DERL2: variants seen among roughly 807,000 people sequenced by gnomAD.
DERL2 encodes the protein derlin-2.
In DERL2, 13 loss-of-function variants were observed where a neutral mutation model predicts 32.0. The ratio of observed to expected loss-of-function variants is 0.41; its 90% CI spans 0.26 to 0.65. The LOEUF (loss-of-function observed/expected upper bound fraction) is 0.65, where lower values mean the gene tolerates loss of function less well. Among genes scored for constraint, DERL2 ranks in the 30% least tolerant of loss-of-function variants. The probability of loss-of-function intolerance (pLI) is 0.35; values close to 1 mark genes in which losing one functional copy is unlikely to be tolerated. For synonymous variants in DERL2, 111 were observed against 104.7 expected (o/e 1.06, Z -0.37); for missense variants, 208 against 296.3 (o/e 0.70, Z 2.19).
At chr17:5,479,710 T>A (rs1885369712) in intron 6 of DERL2, among the ~76,000 whole-genome samples, 1 of 152,168 alleles carries the variant, frequency 6.6e-6, no homozygotes, top group Non-Finnish European at 1.5e-5. Context: ...GAAACTTTCA[T>A]CAGTTTTGCC....
chr17:5,479,534 A>G (rs1490848504), intron 6 of DERL2, among the ~76,000 whole-genome samples: 2 of 150,278 alleles, frequency 1.3e-5, no homozygotes, highest in Non-Finnish European at 3.0e-5. Context: ...AAAGAAAGAA[A>G]GAAATCAAAG....
chr17:5,486,257 A>G (rs1367973505), upstream of DERL2: 1 of 1,014,164 alleles, frequency 9.9e-7, no homozygotes, highest in Non-Finnish European at 1.4e-6. Flanking sequence ...CCCCCCGCCC[A>G]CTTTAGTTTT....
At position 5,481,343 on chromosome 17, in the gene DERL2, T is replaced by C; in HGVS notation, c.280A>G (p.Thr94Ala). Residue 94 changes from threonine to alanine, a missense_variant, in exon 4 of 7, where the codon ACA becomes GCA. Thr to Ala is a moderately conservative substitution (Grantham distance 58). Around this residue, in one of 3 missense-constraint regions of DERL2, gnomAD observed 124 missense variants for 215.3 expected, o/e 0.58. Transcript: ENST00000158771. The surrounding 1 kb of genome is among the most constrained non-coding windows in gnomAD (Gnocchi z 4.4). ...AGGAACATAAATACAAAGTCTGCTG[T>C]CCGACCTCGGAAAGAGCCTTCTTCT... Reference protein sequence around the residue: ...MLEEGSFRGRTADFVFMFLFG... With the variant: ...MLEEGSFRGRAADFVFMFLFG... 6.2e-7 allele frequency: 1 copy of C among 1,614,184 alleles called. No homozygotes were observed. The highest frequency in any genetic ancestry group is 8.5e-7 in the Non-Finnish European group (1 of 1,180,010).
chr17:5,480,781 G>T, intron 4 of DERL2, 199 bp from the exon 5 acceptor site: 1 of 466,542 alleles, frequency 2.1e-6, no homozygotes, highest in Non-Finnish European at 3.7e-6. Flanking sequence ...AAATTATCGA[G>T]ATTTACAGCT....
rs1905257398 is a variant in DERL2 at position 5,474,290 on chromosome 17, T to C, written c.*394A>G. 6.4e-6 allele frequency: 1 copy of C among 157,020 alleles called. No individual in the cohort carries two copies. Among genetic ancestry groups the C allele is most frequent in the Non-Finnish European group, 1.4e-5 (1 of 71,450 alleles). The allele number at this position is 157,020 out of a possible 1,614,324, so 9.7% of individuals were successfully genotyped here. ...AAAAGATCACACACAAAAGCTTTAA[T>C]ACAGTGAGAGAAAAATGGAATTCCG... On this transcript the variant is annotated 3_prime_UTR_variant, in exon 7 of 7. Coordinates refer to ENST00000158771, the MANE Select transcript of DERL2 (RefSeq NM_016041.5). The surrounding 1 kb of genome is among the most constrained non-coding windows in gnomAD (Gnocchi z 4.3).
Position 5,473,908 on chromosome 17 carries a change from A to G in DERL2, c.*776T>C, listed in dbSNP as rs1410514062. 2.0e-5 allele frequency: 3 copies of G among 152,202 alleles called. No individual in the cohort carries two copies. Among genetic ancestry groups the G allele is most frequent in the Non-Finnish European group, 4.4e-5 (3 of 68,032 alleles). 9.4% of individuals were successfully genotyped at this position (152,202 alleles called of 1,614,324 possible). ...CCAATCTTTCCCTGGATACTTCTTA[A>G]TGGAGAAATGTAAGTAAAGCAAATA... On this transcript the variant is annotated 3_prime_UTR_variant, in exon 7 of 7. Transcript: ENST00000158771.
At position 5,482,887 on chromosome 17, in the gene DERL2, T is replaced by C. The variant is rs1392798164; in HGVS notation, c.160-5A>G. ...GTTGGTGATTAATCTCCATATCTGT[T>C]AAAAAAAAATCAAGAGAAAGATGTA... is the stretch of plus-strand genomic sequence containing the variant. On this transcript the variant is annotated splice_region_variant and splice_polypyrimidine_tract_variant and intron_variant, in intron 2 of 6. Transcript: ENST00000158771. The C allele has an allele frequency of 3.5e-6, 5 of 1,417,582 alleles. No homozygotes were observed. Among genetic ancestry groups the C allele is most frequent in the Non-Finnish European group, 4.8e-6 (5 of 1,031,356 alleles). The allele number at this position is 1,417,582 out of a possible 1,614,324, so 87.8% of individuals were successfully genotyped here.
chr17:5,482,094 C>G (rs1905827572), intron 3 of DERL2, among the ~76,000 whole-genome samples: 1 of 152,196 alleles, frequency 6.6e-6, no homozygotes, highest in South Asian at 2.1e-4. Context: ...CTTTTCCAGC[C>G]TGGCAGGTTG....
chr17:5,475,914 T>G (rs957756632), intron 6 of DERL2, among the ~76,000 whole-genome samples: 1 of 152,108 alleles, frequency 6.6e-6, no homozygotes, highest in Non-Finnish European at 1.5e-5. Context: ...TGGTGATGGC[T>G]GGGGTGGGGA....
In DERL2 at chr17:5,485,980, T is replaced by C. The variant is rs1264795140; in HGVS notation, c.93+89A>G. The C allele has an allele frequency of 2.4e-6, 3 of 1,260,624 alleles. No individual in the cohort carries two copies. In the African/African-American group the frequency reaches 4.5e-5, roughly 19 times the overall value. 78.1% of individuals were successfully genotyped at this position (1,260,624 alleles called of 1,614,324 possible). On this transcript the variant is annotated intron_variant, in intron 1 of 6. Coordinates refer to ENST00000158771, the MANE Select transcript of DERL2 (RefSeq NM_016041.5). Reference sequence around the variant, plus strand: ...CACCCATCCCCGGGACCAGCCCCTCTGGGCCTCCCCGAGGCCCAAACCCCA... The same window carrying C: ...CACCCATCCCCGGGACCAGCCCCTCCGGGCCTCCCCGAGGCCCAAACCCCA...
intron 1 of DERL2, 94 bp from the exon 2 acceptor site, chr17:5,485,310 C>T (rs1199279355): frequency 1.3e-5 from 11 of 840,978 alleles, no homozygotes; most frequent in Admixed American, 2.8e-5. Flanking sequence ...TTCCAACTCT[C>T]GGTCACTTAG....
chr17:5,476,862 C>G (rs1345510495), intron 6 of DERL2, among the ~76,000 whole-genome samples: 2 of 152,150 alleles, frequency 1.3e-5, no homozygotes, highest in African/African-American at 4.8e-5. Flanking sequence ...GGGGGCACAG[C>G]CTGGTATAGG....
At position 5,480,558 on chromosome 17, in the gene DERL2, C is replaced by G. The variant is rs1905709919; in HGVS notation, c.352G>C (p.Val118Leu). The G allele has an allele frequency of 1.3e-6, 2 of 1,541,690 alleles. No individual in the cohort carries two copies. Among genetic ancestry groups the G allele is most frequent in the Non-Finnish European group, 1.7e-6 (2 of 1,152,374 alleles). The change falls in exon 5 of 7, where the codon GTT becomes CTT. Residue 118 changes from valine to leucine, a missense_variant. Physicochemically the swap from Val to Leu is conservative, Grantham distance 32. Coordinates refer to ENST00000158771, the MANE Select transcript of DERL2 (RefSeq NM_016041.5). Reference sequence around the variant, plus strand: ...ATTGTAAAGGCCTGGCCCAAGAAAACTAAGCTCACAAACAGACCAAAAAGC... The same window carrying G: ...ATTGTAAAGGCCTGGCCCAAGAAAAGTAAGCTCACAAACAGACCAAAAAGC... ...MTLFGLFVSL[V>L]FLGQAFTIML... is the part of the protein sequence containing the mutation.
At chr17:5,486,193 C>T (rs780581572), upstream of DERL2, 1 of 1,199,476 alleles carries the variant, frequency 8.3e-7, no homozygotes, top group African/African-American at 1.6e-5. Flanking sequence ...CACCCCCCAC[C>T]CACCCCATTT....
chr17:5,484,189 G>A (rs1905988609), intron 2 of DERL2, among the ~76,000 whole-genome samples: 1 of 152,170 alleles, frequency 6.6e-6, no homozygotes. Context: ...TGGCTTTTGG[G>A]TCTCTCCCCT....
In DERL2 at chr17:5,472,933, C is replaced by A. The variant is rs566733132; in HGVS notation, c.*1751G>T. ...AACCTTTTTTAAACTGCTTAAAAAG[C>A]AGTCCCATAGACCCAGGTTCCATAA... On this transcript the variant is annotated 3_prime_UTR_variant, in exon 7 of 7. Transcript: ENST00000158771. The A allele has an allele frequency of 1.3e-5, 2 of 152,328 alleles. No homozygotes were observed. The highest frequency in any genetic ancestry group is 4.1e-4 in the South Asian group (2 of 4,830). The allele number at this position is 152,328 out of a possible 1,614,324, so 9.4% of individuals were successfully genotyped here.
chr17:5,485,597 T>G (rs1906160662), intron 1 of DERL2, among the ~76,000 whole-genome samples: 1 of 152,180 alleles, frequency 6.6e-6, no homozygotes, highest in African/African-American at 2.4e-5. Flanking sequence ...TAACGGAGAC[T>G]GGAGACCCTG....
At chr17:5,484,240 A>C (rs1050763119) in intron 2 of DERL2, among the ~76,000 whole-genome samples, 5 of 152,162 alleles carry the variant, frequency 3.3e-5, no homozygotes, top group Non-Finnish European at 7.4e-5. Context: ...AGAAAAATCC[A>C]TCTCTCTTTT....
At chr17:5,480,013 G>C in intron 6 of DERL2, 41 bp downstream of exon 6, 1 of 1,274,500 alleles carries the variant, frequency 7.8e-7, no homozygotes, top group South Asian at 1.2e-5. Context: ...CCCTGTCCTG[G>C]TTTGCCTGTA....
Sources: allele counts gnomAD v4.1 joint callset (sites outside exome capture counted in the v4.1 genomes callset), GRCh38; gene constraint gnomAD v4.1.1; regional missense constraint gnomAD v4.1.1; non-coding constraint Gnocchi (gnomAD v3.1); transcripts MANE v1.5; gene names NCBI Gene and HGNC (gene_info 2026-07-23, HGNC 2026-07-21).